The following VPS13A variants were observed in gnomAD, a reference collection of about 807,000 sequenced individuals.
The protein encoded by VPS13A is vacuolar protein sorting 13 homolog A, also known as intermembrane lipid transfer protein VPS13A.
In VPS13A, 264 loss-of-function variants were observed where a neutral mutation model predicts 390.9. The ratio of observed to expected loss-of-function variants is 0.68; its 90% confidence interval spans 0.61 to 0.75. The LOEUF (loss-of-function observed/expected upper bound fraction) is 0.75, where lower values mean the gene tolerates loss of function less well. Ranked by LOEUF, VPS13A falls within the 30% of genes least tolerant of loss-of-function variation. VPS13A has a pLI of 0.00. For synonymous variants in VPS13A, 1,231 were observed against 1,227.1 expected (o/e 1.00, Z -0.07); for missense variants, 3,409 against 3,733.9 (o/e 0.91, Z 2.27).
intron 29 of VPS13A, among the ~76,000 whole-genome samples, 159 bp from the exon 30 acceptor site, chr9:77,283,196 A>G (rs1326648291): frequency 1.3e-5 from 2 of 152,106 alleles, no homozygotes; most frequent in South Asian, 2.1e-4. Context: ...AGAATTTTCA[A>G]TTCAGTAGGG....
At chr9:77,369,171 A>G in intron 62 of VPS13A, 128 bp from the exon 63 acceptor site, 1 of 708,862 alleles carries the variant, frequency 1.4e-6, no homozygotes, top group Non-Finnish European at 2.5e-6. Flanking sequence ...ATAAAATGAG[A>G]TGGTTTAGGA....
intron 12 of VPS13A, among the ~76,000 whole-genome samples, chr9:77,220,668 C>G (rs1283598804): frequency 1.3e-5 from 2 of 151,958 alleles, no homozygotes; most frequent in Non-Finnish European, 2.9e-5. Flanking sequence ...AAAAACAAAT[C>G]CTGGTTTGTT....
At position 77,356,840 on chromosome 9, in the gene VPS13A, G is replaced by A. The variant is rs758623988; in HGVS notation, c.7779G>A (p.Lys2593=). Residue 2593 remains lysine, a synonymous_variant, in exon 55 of 72, where the codon AAG becomes AAA. Transcript: ENST00000360280. ...CTGAATCTTCTCCTTCAGAAGATAA[G>A]GTTATTCAGTTGGACACTAATGTTC... ...EYTESSPSED[K]VIQLDTNVPV... The A allele has an allele frequency of 3.7e-6, 6 of 1,613,880 alleles. No individual in the cohort carries two copies. The East Asian group carries it at 1.1e-4, about 30-fold the overall frequency.
At chr9:77,356,583 TA>T in intron 54 of VPS13A, 130 bp from the exon 55 acceptor site, 1 of 1,006,280 alleles carries the variant, frequency 9.9e-7, no homozygotes, top group Non-Finnish European at 1.5e-6. Flanking sequence ...TTTAAATTTG[TA>T]ATATGCTCAC....
At chr9:77,322,072 TG>T (rs2131451659) in intron 44 of VPS13A, among the ~76,000 whole-genome samples, 1 of 152,056 alleles carries the variant, frequency 6.6e-6, no homozygotes, top group African/African-American at 2.4e-5. Flanking sequence ...TAGATGTTTG[TG>T]GGGGTTCTTT....
chr9:77,366,810 T>G lies in VPS13A; in HGVS notation c.8409T>G (p.Ser2803=). The G allele has an allele frequency of 1.2e-6, 2 of 1,613,382 alleles. No individual in the cohort carries two copies. The highest frequency in any genetic ancestry group is 1.7e-6 in the Non-Finnish European group (2 of 1,179,556). Residue 2803 remains serine, a synonymous_variant, in exon 61 of 72, where the codon TCT becomes TCG. Coordinates refer to ENST00000360280, the MANE Select transcript of VPS13A (RefSeq NM_033305.3). ...ATGGAGGACTGATTCCAGTTCATTC[T>G]TTAAATCTTTTGCTGAAGAGTATTG... The part of the protein sequence containing the change: ...KQNGGLIPVH[S]LNLLLKSIGA...
intron 60 of VPS13A, among the ~76,000 whole-genome samples, chr9:77,366,106 T>C (rs761486089): frequency 2.6e-5 from 4 of 152,124 alleles, no homozygotes; most frequent in African/African-American, 4.8e-5. Flanking sequence ...TTTCAGCTTA[T>C]GACAGAGTTA....
At chr9:77,263,338 A>G (rs1167644823) in intron 23 of VPS13A, among the ~76,000 whole-genome samples, 1 of 151,754 alleles carries the variant, frequency 6.6e-6, no homozygotes, top group Admixed American at 6.6e-5. Context: ...CAATCTCCTG[A>G]CCTCGTGATC....
chr9:77,309,541 T>G (rs2131413402), intron 35 of VPS13A, among the ~76,000 whole-genome samples: 1 of 152,300 alleles, frequency 6.6e-6, no homozygotes, highest in East Asian at 1.9e-4. Flanking sequence ...ATATGTATCA[T>G]AAAGATGAAT....
At chr9:77,305,118 G>T (rs1176768897) in intron 34 of VPS13A, among the ~76,000 whole-genome samples, 1 of 151,794 alleles carries the variant, frequency 6.6e-6, no homozygotes, top group Non-Finnish European at 1.5e-5. Context: ...TTTTGTGTTT[G>T]TAGTAGAGAC....
At position 77,321,250 on chromosome 9, in the gene VPS13A, A is replaced by T. The variant is rs748362612; in HGVS notation, c.5497A>T (p.Ile1833Phe). The change falls in exon 43 of 72, where the codon ATC becomes TTC. Residue 1833 changes from isoleucine to phenylalanine, a missense_variant. Physicochemically the swap from Ile to Phe is conservative, Grantham distance 21. This residue lies in a region of VPS13A where 2,717 missense variants were observed against 2,917.4 expected (regional missense o/e 0.93). Transcript: ENST00000360280. Reference sequence around the variant, plus strand: ...CAAAGTGCCAGAATATAAAACTGTCATCAGTTTCCATTCAAAAGACCAATT... The same window carrying T: ...CAAAGTGCCAGAATATAAAACTGTCTTCAGTTTCCATTCAAAAGACCAATT... ...NYKVPEYKTVISFHSKDQLNI... is the reference protein window; with the variant it reads ...NYKVPEYKTVFSFHSKDQLNI... 5.0e-6 allele frequency: 8 copies of T among 1,611,020 alleles called. No individual in the cohort carries two copies. The Admixed American group carries it at 1.3e-4, about 27-fold the overall frequency.
rs202196007 is a variant in VPS13A at position 77,351,446 on chromosome 9, T to C, written c.7419T>C (p.Asp2473=). 7 of 1,612,798 alleles carry C rather than the reference T, an allele frequency of 4.3e-6. No individual in the cohort carries two copies. Among genetic ancestry groups the C allele is most frequent in the Non-Finnish European group, 5.9e-6 (7 of 1,179,202 alleles). ...GCCATGGTGAAGTAACACAGAAGGA[T>C]GTAAGTATTGGGTTATTATGGTGTT... ...RKSHGEVTQK[D]DMMMPIDLGE... The change falls in exon 53 of 72, where the codon GAT becomes GAC. Residue 2473 remains aspartate, a splice_region_variant and synonymous_variant. Coordinates refer to ENST00000360280, the MANE Select transcript of VPS13A (RefSeq NM_033305.3).
intron 1 of VPS13A, among the ~76,000 whole-genome samples, chr9:77,180,720 C>T (rs772612691): frequency 9.2e-5 from 14 of 151,768 alleles, no homozygotes; most frequent in Admixed American, 7.9e-4. Flanking sequence ...CTTTGCATTT[C>T]GTAAAAAAAA....
At chr9:77,390,530 G>A (rs1006566831) in intron 68 of VPS13A, among the ~76,000 whole-genome samples, 1 of 152,102 alleles carries the variant, frequency 6.6e-6, no homozygotes, top group Non-Finnish European at 1.5e-5. Context: ...ATAAGATTTT[G>A]AAATAAATTA....
At chr9:77,383,958 G>T (rs1833565059) in intron 68 of VPS13A, among the ~76,000 whole-genome samples, 1 of 141,134 alleles carries the variant, frequency 7.1e-6, no homozygotes, top group Non-Finnish European at 1.6e-5. Flanking sequence ...TGATGGTGGT[G>T]GGTTTTGTTT....
At chr9:77,402,233 G>A (rs1442233723) in intron 68 of VPS13A, among the ~76,000 whole-genome samples, 1 of 152,094 alleles carries the variant, frequency 6.6e-6, no homozygotes, top group Admixed American at 6.6e-5. Context: ...ATCTGTATGA[G>A]TCATCCTGCT....
At chr9:77,255,275 T>C (rs1825376421) in intron 22 of VPS13A, among the ~76,000 whole-genome samples, 1 of 152,084 alleles carries the variant, frequency 6.6e-6, no homozygotes, top group African/African-American at 2.4e-5. Flanking sequence ...ATCAAGATGA[T>C]TTTTTTCCTT....
At chr9:77,309,686 C>A (rs1007873096) in intron 35 of VPS13A, among the ~76,000 whole-genome samples, 17 of 152,122 alleles carry the variant, frequency 1.1e-4, no homozygotes, top group African/African-American at 4.1e-4. Context: ...GTTGACCTGA[C>A]CACAGGTAAT....
At chr9:77,354,467 T>C (rs1220301333) in intron 54 of VPS13A, among the ~76,000 whole-genome samples, 3 of 152,152 alleles carry the variant, frequency 2.0e-5, no homozygotes, top group African/African-American at 7.2e-5. Flanking sequence ...TTATATGTTA[T>C]CTTCTAAGCT....
Sources: allele counts gnomAD v4.1 joint callset (sites outside exome capture counted in the v4.1 genomes callset), GRCh38; gene constraint gnomAD v4.1.1; regional missense constraint gnomAD v4.1.1; transcripts MANE v1.5; gene names NCBI Gene and HGNC (gene_info 2026-07-23, HGNC 2026-07-21).